The following ESRRG variants were observed in gnomAD, a reference collection of about 807,000 sequenced individuals.
The protein encoded by ESRRG is estrogen-related receptor gamma.
ESRRG carries 13 observed loss-of-function variants against 44.0 expected under a neutral mutation model. The ratio of observed to expected loss-of-function variants is 0.30; its 90% CI spans 0.19 to 0.47. The LOEUF (loss-of-function observed/expected upper bound fraction) is 0.47. ESRRG is among the 20% of genes least tolerant of loss of function. The pLI is 1.00. For missense variants in ESRRG, 395 were observed against 580.6 expected (o/e 0.68, Z 3.29); for synonymous variants, 215 against 214.6 (o/e 1.00, Z -0.02).
chr1:217,121,523 T>A (rs987131646), intron 1 of ESRRG, among the ~76,000 whole-genome samples: 1 of 152,066 alleles, frequency 6.6e-6, no homozygotes, highest in Admixed American at 6.6e-5. Context: ...TGATGAGGCA[T>A]GAACTGAGAT....
At chr1:216,903,521 A>G (rs2059338176) in intron 2 of ESRRG, among the ~76,000 whole-genome samples, 1 of 151,822 alleles carries the variant, frequency 6.6e-6, no homozygotes, top group Admixed American at 6.6e-5. Context: ...ATATGGTTAG[A>G]ATCTGATTGC....
rs2058420293 is a variant in ESRRG at position 216,896,396 on chromosome 1, T to A, written c.-14+43186A>T. Among the ~76,000 whole-genome samples, 3 of 152,248 alleles carry A rather than the reference T, an allele frequency of 2.0e-5. No individual in the cohort carries two copies. The South Asian group carries it at 6.2e-4, about 32-fold the overall frequency. On this transcript the variant is annotated intron_variant, in intron 2 of 7. Coordinates refer to the ESRRG transcript ENST00000359162. Reference sequence around the variant, plus strand: ...CTGGGAAACAACAGCACTCAGGTAATCCCCTTTATAGGCTGATTTGATAGC... The same window carrying A: ...CTGGGAAACAACAGCACTCAGGTAAACCCCTTTATAGGCTGATTTGATAGC...
In ESRRG at chr1:216,977,341, T is replaced by C. The variant is rs141027192; in HGVS notation, c.-105-37668A>G. The stretch of plus-strand genomic sequence containing the variant: ...AAACAAAGTTTCCAAGGAGGATACA[T>C]ACACACACACACACACACACACACA... On this transcript the variant is annotated intron_variant, in intron 1 of 7. Transcript: ENST00000359162. Among the ~76,000 whole-genome samples the C allele has an allele frequency of 9.6e-4, 138 of 144,082 alleles. 1 individual carries two copies. Among genetic ancestry groups the C allele is most frequent in the African/African-American group, 1.9e-3 (72 of 38,624 alleles). 94.5% of individuals were successfully genotyped at this position (144,082 alleles called of 152,430 possible).
chr1:216,553,840 A>G (rs1315605616), intron 5 of ESRRG, among the ~76,000 whole-genome samples: 1 of 152,164 alleles, frequency 6.6e-6, no homozygotes, highest in Non-Finnish European at 1.5e-5. Flanking sequence ...GGCAAAAATT[A>G]ATATAAAAAT....
intron 2 of ESRRG, among the ~76,000 whole-genome samples, chr1:216,657,775 G>A (rs1309299194): frequency 3.3e-5 from 5 of 152,100 alleles, no homozygotes; most frequent in African/African-American, 4.8e-5. Flanking sequence ...ATACACAGGA[G>A]TGTGCACAAG....
intron 1 of ESRRG, among the ~76,000 whole-genome samples, chr1:217,118,236 A>G (rs1256224391): frequency 1.3e-5 from 2 of 152,220 alleles, no homozygotes; most frequent in Non-Finnish European, 2.9e-5. Flanking sequence ...ATTAACCCAA[A>G]CAGTCTGATT....
intron 5 of ESRRG, among the ~76,000 whole-genome samples, chr1:216,519,886 C>T (rs1376893218): frequency 6.6e-6 from 1 of 150,498 alleles, no homozygotes; most frequent in East Asian, 2.0e-4. Context: ...CAATTTAGGC[C>T]ATAGAGCTCA....
In ESRRG at chr1:216,745,545, T is replaced by A. The variant is rs1004361225; in HGVS notation, c.-13-68054A>T. Among the ~76,000 whole-genome samples, 3 of 147,012 alleles carry A rather than the reference T, an allele frequency of 2.0e-5. No homozygotes were observed. The South Asian group carries it at 6.4e-4, about 31-fold the overall frequency. On this transcript the variant is annotated intron_variant, in intron 2 of 7. Coordinates refer to the ESRRG transcript ENST00000359162. ...ACATTTTTCTCTATTGCAGACACTG[T>A]GCTATGCATAGGAGTTTTTACCCTC...
chr1:216,999,253 C>T (rs2150616844), intron 1 of ESRRG, among the ~76,000 whole-genome samples: 1 of 152,196 alleles, frequency 6.6e-6, no homozygotes, highest in Non-Finnish European at 1.5e-5. Context: ...TTTACAAAGC[C>T]AACTCACATG....
At chr1:216,914,598 T>C (rs966403960) in intron 2 of ESRRG, among the ~76,000 whole-genome samples, 1 of 152,192 alleles carries the variant, frequency 6.6e-6, no homozygotes, top group Non-Finnish European at 1.5e-5. Context: ...CAAAAGAAAC[T>C]GAATTGTACA....
intron 2 of ESRRG, among the ~76,000 whole-genome samples, chr1:216,812,970 G>A (rs558396332): frequency 6.6e-6 from 1 of 152,262 alleles, no homozygotes; most frequent in African/African-American, 2.4e-5. Flanking sequence ...ACAAGTATTG[G>A]AATAATTACA....
At position 216,905,749 on chromosome 1, in the gene ESRRG, C is replaced by T. The variant is rs1252507054; in HGVS notation, c.-14+33833G>A. Among the ~76,000 whole-genome samples, 8 of 152,184 alleles carry T rather than the reference C, an allele frequency of 5.3e-5. No homozygotes were observed. The South Asian group carries it at 1.5e-3, about 28-fold the overall frequency. ...CCTGTTAAATAAATTTATTCTTCTT[C>T]TTTTCTTTTTTTGAAACAGGGTCTC... is the stretch of plus-strand genomic sequence containing the variant. On this transcript the variant is annotated intron_variant, in intron 2 of 7. Coordinates refer to the ESRRG transcript ENST00000359162.
At chr1:217,056,882 A>T (rs1008056218) in intron 1 of ESRRG, among the ~76,000 whole-genome samples, 1 of 152,010 alleles carries the variant, frequency 6.6e-6, no homozygotes, top group African/African-American at 2.4e-5. Flanking sequence ...AACATTGGGT[A>T]TCGATGGACC....
At chr1:216,685,317 T>C (rs1288694996) in intron 1 of ESRRG, among the ~76,000 whole-genome samples, 1 of 152,176 alleles carries the variant, frequency 6.6e-6, no homozygotes, top group Non-Finnish European at 1.5e-5. Context: ...GTAACATTTA[T>C]TCAGTGTTAG....
intron 5 of ESRRG, among the ~76,000 whole-genome samples, chr1:216,519,814 T>TAAAAAAAAAAAAAAAAAA (rs147923058): frequency 4.2e-5 from 5 of 118,958 alleles, no homozygotes; most frequent in South Asian, 2.7e-4. Flanking sequence ...AACATAAAAG[T>TAAAAAAAAAAAAAAAAAA]AAAAAAAAAA....
intron 1 of ESRRG, among the ~76,000 whole-genome samples, chr1:216,705,336 T>G (rs1230609883): frequency 6.7e-6 from 1 of 149,318 alleles, no homozygotes; most frequent in Non-Finnish European, 1.5e-5. Context: ...TTTTCTATTT[T>G]TTTATATCTA....
At chr1:216,592,855 G>T (rs953124584) in intron 3 of ESRRG, among the ~76,000 whole-genome samples, 2 of 152,162 alleles carry the variant, frequency 1.3e-5, no homozygotes, top group African/African-American at 4.8e-5. Context: ...GGAAATTTGT[G>T]TACTGTTTTT....
intron 2 of ESRRG, among the ~76,000 whole-genome samples, chr1:216,786,938 G>A (rs1446935262): frequency 1.3e-5 from 2 of 152,102 alleles, no homozygotes; most frequent in African/African-American, 2.4e-5. Context: ...TTGTTTTATT[G>A]CACTTCACTT....
chr1:216,677,116 T>C lies in ESRRG; in HGVS notation c.432A>G (p.Ser144=), dbSNP rs1318652699. 1.2e-6 allele frequency: 2 copies of C among 1,614,060 alleles called. No individual in the cohort carries two copies. The highest frequency in any genetic ancestry group is 1.7e-6 in the Non-Finnish European group (2 of 1,180,010). The change falls in exon 2 of 7, where the codon TCA becomes TCG. Residue 144 remains serine (S), a synonymous_variant. Transcript: ENST00000408911. The stretch of plus-strand genomic sequence containing the variant: ...TGAAGAATGCCTTGCAGGCTTCACA[T>C]GATGCTACCCCATAGTGGTACCCAG... ...IASGYHYGVA[S]CEACKAFFKR... is the part of the protein sequence containing the mutation.
Sources: gnomAD v4.1 joint callset for allele counts (sites outside exome capture counted in the v4.1 genomes callset) on GRCh38, gnomAD v4.1.1 for gene constraint, MANE v1.5 for transcripts, NCBI Gene and HGNC (gene_info 2026-07-23, HGNC 2026-07-21) for gene names.